ENTHD1: variants seen among roughly 807,000 people sequenced by gnomAD.
ENTHD1 encodes the protein ENTH domain-containing protein 1.
Under a neutral mutation model 39.1 loss-of-function variants are expected in ENTHD1, and 23 were observed. The observed-to-expected ratio is 0.59, with a 90% confidence interval of 0.42 to 0.83. The LOEUF is 0.83. Among genes scored for constraint, ENTHD1 ranks in the 40% least tolerant of loss-of-function variants. The probability of loss-of-function intolerance (pLI) is 0.00; values close to 1 mark genes in which losing one functional copy is unlikely to be tolerated. For missense variants in ENTHD1, 624 were observed against 705.4 expected, an observed-to-expected ratio of 0.88 and a Z score of 1.31; for synonymous variants, 230 against 258.2, an observed-to-expected ratio of 0.89 and a Z score of 1.05.
At chr22:39,773,117 C>CA (rs57398699) in intron 5 of ENTHD1, among the ~76,000 whole-genome samples, 1,577 of 36,032 alleles carry the variant, frequency 0.044, 301 homozygotes, top group African/African-American at 0.08. Context: ...GACCTCATCT[C>CA]AAAAAAAAAA....
chr22:39,782,792 G>A (rs1394715727), intron 5 of ENTHD1, among the ~76,000 whole-genome samples: 1 of 151,924 alleles, frequency 6.6e-6, no homozygotes, highest in Non-Finnish European at 1.5e-5. Context: ...ACATAATAAA[G>A]GCCATATATA....
intron 2 of ENTHD1, among the ~76,000 whole-genome samples, chr22:39,883,384 G>T (rs1244443260): frequency 6.6e-6 from 1 of 151,234 alleles, no homozygotes; most frequent in Non-Finnish European, 1.5e-5. Flanking sequence ...ACATATAAAA[G>T]GTACAAATGC....
At chr22:39,861,250 T>A (rs981329326) in intron 3 of ENTHD1, among the ~76,000 whole-genome samples, 1 of 152,154 alleles carries the variant, frequency 6.6e-6, no homozygotes, top group African/African-American at 2.4e-5. Flanking sequence ...AAAACAGTCA[T>A]AAAACTGGGC....
At chr22:39,781,565 A>T (rs780294334) in intron 5 of ENTHD1, among the ~76,000 whole-genome samples, 27 of 152,292 alleles carry the variant, frequency 1.8e-4, no homozygotes, top group Non-Finnish European at 3.4e-4. Context: ...AAGTAGGAAG[A>T]CTTCAAATAA....
chr22:39,799,751 G>A (rs2065583504), intron 5 of ENTHD1, among the ~76,000 whole-genome samples: 1 of 152,172 alleles, frequency 6.6e-6, no homozygotes. Context: ...TTTTCACTGT[G>A]GGCATGTTTA....
intron 6 of ENTHD1, 72 bp from the exon 7 acceptor site, chr22:39,744,355 TA>T (rs771713637): frequency 1.1e-4 from 148 of 1,388,356 alleles, no homozygotes; most frequent in Non-Finnish European, 1.4e-4. Flanking sequence ...AATAATTTTA[TA>T]ATGTAAAAGC....
At chr22:39,889,947 A>T (rs1473840565) in intron 1 of ENTHD1, among the ~76,000 whole-genome samples, 1 of 151,840 alleles carries the variant, frequency 6.6e-6, no homozygotes, top group Non-Finnish European at 1.5e-5. Flanking sequence ...AAACACAAAA[A>T]ATTAGCCAGG....
chr22:39,787,180 A>G (rs2065465746), intron 5 of ENTHD1, among the ~76,000 whole-genome samples: 1 of 152,118 alleles, frequency 6.6e-6, no homozygotes, highest in Admixed American at 6.6e-5. Flanking sequence ...GGTGCCATGA[A>G]TCTCTCCCAC....
chr22:39,802,017 A>T (rs1269319344), intron 5 of ENTHD1, among the ~76,000 whole-genome samples: 1 of 152,224 alleles, frequency 6.6e-6, no homozygotes, highest in East Asian at 1.9e-4. Context: ...GAGTAAATAT[A>T]GGATTTTAAA....
At chr22:39,764,456 C>G (rs2065259028) in intron 6 of ENTHD1, among the ~76,000 whole-genome samples, 1 of 152,054 alleles carries the variant, frequency 6.6e-6, no homozygotes, top group African/African-American at 2.4e-5. Context: ...CAGAACAAGA[C>G]CCTGTCTCTA....
At chr22:39,857,631 C>A (rs2066105060) in intron 3 of ENTHD1, among the ~76,000 whole-genome samples, 1 of 152,114 alleles carries the variant, frequency 6.6e-6, no homozygotes, top group South Asian at 2.1e-4. Flanking sequence ...GCTGTTCCCT[C>A]TGCCTGATAT....
intron 5 of ENTHD1, among the ~76,000 whole-genome samples, chr22:39,814,428 C>G (rs5757799): frequency 0.37 from 55,523 of 151,964 alleles, 12,570 homozygotes; most frequent in Non-Finnish European, 0.49. Flanking sequence ...CCACTGCATT[C>G]CAGCATGGGC....
intron 2 of ENTHD1, among the ~76,000 whole-genome samples, chr22:39,884,660 C>T (rs2066366525): frequency 6.6e-6 from 1 of 152,112 alleles, no homozygotes; most frequent in Non-Finnish European, 1.5e-5. Flanking sequence ...AGCATAAGGC[C>T]TGACATACAG....
chr22:39,805,918 TG>T (rs987790462), intron 5 of ENTHD1, among the ~76,000 whole-genome samples: 60 of 152,290 alleles, frequency 3.9e-4, no homozygotes, highest in African/African-American at 1.3e-3. Flanking sequence ...ATCTTGCCTT[TG>T]GGGGGCTCTT....
intron 5 of ENTHD1, among the ~76,000 whole-genome samples, chr22:39,815,590 A>G (rs557287673): frequency 6.6e-6 from 1 of 152,342 alleles, no homozygotes; most frequent in East Asian, 1.9e-4. Context: ...GCAAATTTGA[A>G]GATGTTCATA....
rs1299485844 is a variant in ENTHD1, at chr22:39,765,600, G to A, written c.842C>T (p.Pro281Leu). The A allele has an allele frequency of 3.3e-5, 53 of 1,604,152 alleles. No individual in the cohort carries two copies. Among genetic ancestry groups the A allele is most frequent in the Non-Finnish European group, 4.4e-5 (52 of 1,175,694 alleles). The change falls in exon 6 of 7, where the codon CCT becomes CTT. Residue 281 changes from proline to leucine, a missense_variant. Pro to Leu is a moderately conservative substitution (Grantham distance 98, BLOSUM62 -3). Transcript: ENST00000325157. ...VCNLSGADAV[P>L]TLSENSPSGQ... ...AGAAGGACTATTTTCTGAGAGAGTAGGCACAGCATCTATAAAAGAACAAAT... is the reference window on the plus strand; with the variant it reads ...AGAAGGACTATTTTCTGAGAGAGTAAGCACAGCATCTATAAAAGAACAAAT...
rs184697478 is a variant in ENTHD1, at chr22:39,760,133, A to G, written c.1219+5090T>C. Among the ~76,000 whole-genome samples, 36 of 152,130 alleles carry G rather than the reference A, an allele frequency of 2.4e-4. No homozygotes were observed. In the East Asian group the frequency reaches 6.6e-3, roughly 28 times the overall value. On this transcript the variant is annotated intron_variant, in intron 6 of 6. Coordinates refer to ENST00000325157, the MANE Select transcript of ENTHD1 (RefSeq NM_152512.4). The stretch of plus-strand genomic sequence containing the variant: ...GCAGTGATTGGATGTTGTGATTTAG[A>G]GATTTGAAGTAGGGTAATGTTTTTG...
chr22:39,860,307 G>A (rs2066129319), intron 3 of ENTHD1, among the ~76,000 whole-genome samples: 1 of 152,184 alleles, frequency 6.6e-6, no homozygotes, highest in Non-Finnish European at 1.5e-5. Flanking sequence ...AAGCAAAAGT[G>A]GGGAAGAAAC....
At chr22:39,819,114 C>T (rs1445666164) in intron 5 of ENTHD1, among the ~76,000 whole-genome samples, 1 of 152,096 alleles carries the variant, frequency 6.6e-6, no homozygotes, top group Non-Finnish European at 1.5e-5. Context: ...TGCCTGTGAT[C>T]CCCGCACTTT....
Sources: allele counts gnomAD v4.1 joint callset (sites outside exome capture counted in the v4.1 genomes callset), GRCh38; gene constraint gnomAD v4.1.1; transcripts MANE v1.5; gene names NCBI Gene and HGNC (gene_info 2026-07-23, HGNC 2026-07-21).